Variants in CASD1 observed in about 807,000 individuals in gnomAD.
CASD1 encodes CAS1 domain sialic acid O acetyltransferase 1, also known as N-acetylneuraminate (7)9-O-acetyltransferase.
In CASD1, 41 loss-of-function variants were observed where a neutral mutation model predicts 100.0. The ratio of observed to expected loss-of-function variants is 0.41; its 90% CI spans 0.32 to 0.53. The LOEUF is 0.53. Ranked by LOEUF, CASD1 falls within the 20% of genes least tolerant of loss-of-function variation. The pLI is 0.25. For missense variants in CASD1, 774 were observed against 948.7 expected, an observed-to-expected ratio of 0.82 and a Z score of 2.42; for synonymous variants, 321 against 315.6, an observed-to-expected ratio of 1.02 and a Z score of -0.18.
intron 4 of CASD1, 37 bp from the exon 5 acceptor site, chr7:94,528,151 T>A: frequency 2.1e-6 from 3 of 1,405,624 alleles, no homozygotes; most frequent in African/African-American, 2.9e-5. Context: ...TAAGAGTTTC[T>A]TCAACTTTTT....
At chr7:94,621,607 T>G in the CASD1 span, 1 of 152,228 alleles carries the variant, frequency 6.6e-6, no homozygotes, top group African/African-American at 2.4e-5. Context: ...GTAGGGACTC[T>G]CACACCTGAC....
At chr7:94,623,185 T>A in the CASD1 span, 2 of 577,996 alleles carry the variant, frequency 3.5e-6, no homozygotes, top group Admixed American at 6.6e-5. Flanking sequence ...TTGCTTAGTT[T>A]TCTTTTCTAT....
chr7:94,566,151 G>A, the CASD1 span, among the ~76,000 whole-genome samples: 2 of 152,120 alleles, frequency 1.3e-5, no homozygotes, highest in Admixed American at 1.3e-4. Context: ...AAAGAATGAG[G>A]TGAGCATTTA....
chr7:94,512,102 A>G lies in CASD1; in HGVS notation c.133+1885A>G, dbSNP rs146462188. On this transcript the variant is annotated intron_variant, in intron 1 of 17. Transcript: ENST00000297273. ...GCAGTATCAAACTGAGTCAGGTGCA[A>G]TGCCCTTCACACAAAGATAATCATA... Among the ~76,000 whole-genome samples, 420 of 152,328 alleles carry G rather than the reference A, an allele frequency of 2.8e-3. 1 individual carries two copies. The highest frequency in any genetic ancestry group is 0.022 in the Admixed American group (339 of 15,300).
At chr7:94,567,847 A>G in the CASD1 span, among the ~76,000 whole-genome samples, 1 of 152,166 alleles carries the variant, frequency 6.6e-6, no homozygotes, top group Non-Finnish European at 1.5e-5. Context: ...CTACTCCCCA[A>G]CTACACACAG....
chr7:94,572,221 C>T, the CASD1 span, among the ~76,000 whole-genome samples: 2 of 152,132 alleles, frequency 1.3e-5, no homozygotes, highest in African/African-American at 4.8e-5. Flanking sequence ...CAGACATGAG[C>T]CACCATGCCT....
chr7:94,623,638 C>G, the CASD1 span: 2 of 494,786 alleles, frequency 4.0e-6, no homozygotes, highest in Non-Finnish European at 3.5e-6. Flanking sequence ...CAGAAAGACT[C>G]TTTCATAGAA....
At chr7:94,522,688 C>T (rs112154195) in intron 3 of CASD1, among the ~76,000 whole-genome samples, 7,308 of 150,722 alleles carry the variant, frequency 0.048, 599 homozygotes, top group African/African-American at 0.17. Context: ...ACGGAGTTCT[C>T]GCTCTGTTGC....
chr7:94,571,265 ACTC>A, the CASD1 span, among the ~76,000 whole-genome samples: 2 of 150,920 alleles, frequency 1.3e-5, no homozygotes, highest in African/African-American at 4.9e-5. Flanking sequence ...CTGATCTTGA[ACTC>A]CTGGGCTCAA....
chr7:94,628,104 C>T, the CASD1 span: 1 of 901,442 alleles, frequency 1.1e-6, no homozygotes, highest in Non-Finnish European at 1.8e-6. Context: ...CATCAGGTAA[C>T]TTTAGTTTCA....
the CASD1 span, chr7:94,598,836 T>C: frequency 6.2e-7 from 1 of 1,613,500 alleles, no homozygotes. Flanking sequence ...AAAGGAGGTA[T>C]GATTTCCCCA....
chr7:94,564,559 A>C, the CASD1 span, among the ~76,000 whole-genome samples: 2 of 152,142 alleles, frequency 1.3e-5, no homozygotes, highest in Non-Finnish European at 2.9e-5. Context: ...CAAGTATATA[A>C]ATTCCAATTA....
chr7:94,514,392 A>G (rs751248954), intron 1 of CASD1, among the ~76,000 whole-genome samples: 1 of 152,168 alleles, frequency 6.6e-6, no homozygotes, highest in South Asian at 2.1e-4. Flanking sequence ...CAAACAAAAT[A>G]TTCTATGGAC....
chr7:94,627,242 C>T, the CASD1 span: 2 of 151,992 alleles, frequency 1.3e-5, no homozygotes, highest in East Asian at 3.8e-4. Flanking sequence ...AGTATGTAAT[C>T]CTCTGAAAGG....
chr7:94,610,881 A>G, the CASD1 span, among the ~76,000 whole-genome samples: 17 of 152,234 alleles, frequency 1.1e-4, no homozygotes, highest in Non-Finnish European at 2.5e-4. Flanking sequence ...CAGATATCTA[A>G]TATGCATATG....
the CASD1 span, among the ~76,000 whole-genome samples, chr7:94,573,868 TC>T: frequency 1.3e-5 from 2 of 152,240 alleles, no homozygotes; most frequent in Non-Finnish European, 2.9e-5. Context: ...TGTGGGTTTG[TC>T]ATAGATGGCT....
the CASD1 span, among the ~76,000 whole-genome samples, chr7:94,608,614 AAAC>A: frequency 6.6e-6 from 1 of 152,238 alleles, no homozygotes; most frequent in Non-Finnish European, 1.5e-5. Context: ...AGAATAGCCA[AAAC>A]AATATTGAAG....
Position 94,555,742 on chromosome 7 carries a change from A to G in CASD1, c.2378A>G (p.Asp793Gly), listed in dbSNP as rs1796172215. The G allele has an allele frequency of 6.2e-7, 1 of 1,611,972 alleles. No individual in the cohort carries two copies. Among genetic ancestry groups the G allele is most frequent in the Non-Finnish European group, 8.5e-7 (1 of 1,179,114 alleles). ...CGLLILSSIQDKSKH is the reference protein window; with the variant it reads ...CGLLILSSIQGKSKH The stretch of plus-strand genomic sequence containing the variant: ...CTCCTCATCTTATCATCCATTCAAG[A>G]TAAATCAAAACATTAGGTTCCAAAA... The change falls in exon 18 of 18, where the codon GAT becomes GGT. Residue 793 changes from aspartate (D) to glycine (G), a missense_variant. Physicochemically the swap from Asp to Gly is moderately conservative, Grantham distance 94. Coordinates refer to ENST00000297273, the MANE Select transcript of CASD1 (RefSeq NM_022900.5).
chr7:94,552,444 G>C lies in CASD1; in HGVS notation c.2034+17G>C. 4 of 1,562,266 alleles carry C rather than the reference G, an allele frequency of 2.6e-6. No individual in the cohort carries two copies. The highest frequency in any genetic ancestry group is 3.5e-6 in the Non-Finnish European group (4 of 1,153,464). On this transcript the variant is annotated intron_variant, in intron 16 of 17. Transcript: ENST00000297273. The stretch of plus-strand genomic sequence containing the variant: ...GTGGTACAGGTACTATCTTGATTTA[G>C]AGAAATTTCTACATCTTAATTCTTG...
Sources: allele counts gnomAD v4.1 joint callset (sites outside exome capture counted in the v4.1 genomes callset), GRCh38; gene constraint gnomAD v4.1.1; transcripts MANE v1.5; gene names NCBI Gene and HGNC (gene_info 2026-07-23, HGNC 2026-07-21).